The following IFNG-AS1 variants were observed in gnomAD, a reference collection of about 807,000 sequenced individuals.
IFNG-AS1 encodes IFNG antisense RNA 1 (non-protein coding).
chr12:68,009,040 G>C (rs571578456), intron 3 of IFNG-AS1, among the ~76,000 whole-genome samples: 1 of 152,290 alleles, frequency 6.6e-6, no homozygotes, highest in South Asian at 2.1e-4. Context: ...TTGGCCATTT[G>C]ACAGCTATGT....
At chr12:67,994,536 C>A (rs955103139) in intron 1 of IFNG-AS1, among the ~76,000 whole-genome samples, 18 of 152,272 alleles carry the variant, frequency 1.2e-4, no homozygotes, top group African/African-American at 4.3e-4. Context: ...GGTAAAACCC[C>A]TATATACAAT....
chr12:68,019,874 C>G (rs1880245339), exon 4 of IFNG-AS1: 1 of 152,146 alleles, frequency 6.6e-6, no homozygotes, highest in Non-Finnish European at 1.5e-5. Flanking sequence ...TAGAAGCCCA[C>G]CAACTGCTAA....
intron 2 of IFNG-AS1, among the ~76,000 whole-genome samples, chr12:67,999,951 A>G (rs181614732): frequency 6.6e-6 from 1 of 152,372 alleles, no homozygotes; most frequent in Admixed American, 6.5e-5. Context: ...TGTACTGAGA[A>G]GCCCACAATA....
At chr12:68,002,318 C>G (rs912373908) in intron 2 of IFNG-AS1, among the ~76,000 whole-genome samples, 2 of 152,224 alleles carry the variant, frequency 1.3e-5, no homozygotes, top group African/African-American at 4.8e-5. Flanking sequence ...CTGGAGAACT[C>G]GAAATCAAAC....
Position 67,995,301 on chromosome 12 carries a change from G to A in IFNG-AS1, n.52-640G>A, listed in dbSNP as rs374672729. Among the ~76,000 whole-genome samples, 19 of 150,816 alleles carry A rather than the reference G, an allele frequency of 1.3e-4. 1 individual carries two copies. The South Asian group carries it at 3.6e-3, about 28-fold the overall frequency. On this transcript the variant is annotated intron_variant and non_coding_transcript_variant, in intron 1 of 5. Transcript: ENST00000536914. ...CTGGGCATGGTGGCGCGTGCCTATA[G>A]TCCCAGCTACTCAGGAGGCTGAGGC...
At chr12:67,993,484 T>C (rs1442479892) in intron 1 of IFNG-AS1, among the ~76,000 whole-genome samples, 1 of 152,246 alleles carries the variant, frequency 6.6e-6, no homozygotes, top group Non-Finnish European at 1.5e-5. Context: ...TATATGTATA[T>C]GTGCATATCA....
intron 2 of IFNG-AS1, among the ~76,000 whole-genome samples, chr12:67,998,484 C>T (rs1426307773): frequency 6.6e-6 from 1 of 150,928 alleles, no homozygotes; most frequent in Non-Finnish European, 1.5e-5. Flanking sequence ...AAAAGGTTAA[C>T]CCAGGAACTA....
intron 3 of IFNG-AS1, among the ~76,000 whole-genome samples, chr12:68,018,584 GC>G (rs1426434679): frequency 6.6e-6 from 1 of 151,992 alleles, no homozygotes; most frequent in Non-Finnish European, 1.5e-5. Flanking sequence ...TGGGGCCCAT[GC>G]CTTTCTGAGG....
chr12:68,011,536 C>CCA (rs1336913648), intron 3 of IFNG-AS1, among the ~76,000 whole-genome samples: 1 of 152,222 alleles, frequency 6.6e-6, no homozygotes, highest in Non-Finnish European at 1.5e-5. Flanking sequence ...GACCATGGAA[C>CCA]TGATCTTGAG....
rs182092955 is a variant in IFNG-AS1, at chr12:67,994,038, C to G, written n.52-1903C>G. ...GATGGTTAGTACCATCATGTTCCCCCCAAAACCCCACTCATTGTGGCATGG... is the reference window on the plus strand; with the variant it reads ...GATGGTTAGTACCATCATGTTCCCCGCAAAACCCCACTCATTGTGGCATGG... On this transcript the variant is annotated intron_variant and non_coding_transcript_variant, in intron 1 of 5. Coordinates refer to ENST00000536914, the Ensembl canonical transcript of IFNG-AS1. 3.9e-5 allele frequency among the ~76,000 whole-genome samples: 6 copies of G among 152,284 alleles called. No homozygotes were observed. The East Asian group carries it at 7.7e-4, about 20-fold the overall frequency.
chr12:68,021,294 A>C (rs1246682774), intron 4 of IFNG-AS1: 2 of 152,230 alleles, frequency 1.3e-5, no homozygotes, highest in Non-Finnish European at 2.9e-5. Flanking sequence ...AACAGCAATA[A>C]AACAACAACA....
chr12:67,998,057 C>G (rs1442909240), intron 2 of IFNG-AS1, among the ~76,000 whole-genome samples: 3 of 151,020 alleles, frequency 2.0e-5, no homozygotes, highest in Non-Finnish European at 4.4e-5. Context: ...GTGGTACAAG[C>G]TTTATAGAGG....
intron 3 of IFNG-AS1, among the ~76,000 whole-genome samples, chr12:68,018,926 G>A (rs61923062): frequency 0.11 from 16,576 of 152,006 alleles, 1,275 homozygotes; most frequent in Non-Finnish European, 0.15. Context: ...AAGAGGATCC[G>A]TGGTTTTTAC....
chr12:68,004,180 A>G (rs1879853565), intron 2 of IFNG-AS1, among the ~76,000 whole-genome samples: 1 of 152,194 alleles, frequency 6.6e-6, no homozygotes, highest in South Asian at 2.1e-4. Flanking sequence ...TTTCTGTCAT[A>G]GATCTACTCT....
At chr12:68,017,459 A>G (rs1361942153) in intron 3 of IFNG-AS1, among the ~76,000 whole-genome samples, 4 of 152,164 alleles carry the variant, frequency 2.6e-5, no homozygotes. Context: ...GAGTACTGGA[A>G]GCTGAGATGG....
chr12:67,992,202 G>C (rs1879533532), intron 1 of IFNG-AS1, among the ~76,000 whole-genome samples: 1 of 152,116 alleles, frequency 6.6e-6, no homozygotes, highest in Admixed American at 6.5e-5. Flanking sequence ...TATATGAATG[G>C]TATCATACTT....
intron 2 of IFNG-AS1, among the ~76,000 whole-genome samples, chr12:67,998,928 T>A (rs1398126414): frequency 6.6e-6 from 1 of 152,178 alleles, no homozygotes; most frequent in Non-Finnish European, 1.5e-5. Flanking sequence ...TAAACCCAGT[T>A]AATGTTTATT....
intron 3 of IFNG-AS1, among the ~76,000 whole-genome samples, chr12:68,017,291 T>C (rs148025826): frequency 6.6e-6 from 1 of 152,032 alleles, no homozygotes; most frequent in Non-Finnish European, 1.5e-5. Context: ...TCGTAAACCA[T>C]GGTGAAGGTT....
chr12:67,990,098 T>C (rs1209199043), intron 1 of IFNG-AS1, among the ~76,000 whole-genome samples: 1 of 152,198 alleles, frequency 6.6e-6, no homozygotes, highest in African/African-American at 2.4e-5. Context: ...AGGGTGATTT[T>C]TTAATTGTAA....
Sources: allele counts gnomAD v4.1 joint callset (sites outside exome capture counted in the v4.1 genomes callset), GRCh38; gene constraint gnomAD v4.1.1; transcripts MANE v1.5; gene names NCBI Gene and HGNC (gene_info 2026-07-23, HGNC 2026-07-21).